The following TBC1D14 variants were observed in gnomAD, a reference collection of about 807,000 sequenced individuals.
TBC1D14 encodes the protein TBC1 domain family, member 14.
TBC1D14 carries 26 observed loss-of-function variants against 79.0 expected under a neutral mutation model. That is an observed-to-expected ratio of 0.33 (90% confidence interval 0.24 to 0.46). The LOEUF is 0.46. TBC1D14 is among the 20% of genes least tolerant of loss of function. The probability of loss-of-function intolerance (pLI) is 1.00; values close to 1 mark genes in which losing one functional copy is unlikely to be tolerated. For missense variants in TBC1D14, 769 were observed against 887.6 expected, an observed-to-expected ratio of 0.87 and a Z score of 1.70; for synonymous variants, 394 against 349.9, an observed-to-expected ratio of 1.13 and a Z score of -1.40.
Position 7,032,213 on chromosome 4 carries a change from T to A in TBC1D14, c.*1821T>A, listed in dbSNP as rs1001675601. On this transcript the variant is annotated 3_prime_UTR_variant, in exon 14 of 14. Transcript: ENST00000409757. ...CATTTCCTGACATCAAGATGTTGAA[T>A]GTAATCTGGTCTGAGCTGGGCCTGT... is the stretch of plus-strand genomic sequence containing the variant. The A allele has an allele frequency of 6.6e-6, 1 of 152,668 alleles. No individual in the cohort carries two copies. The highest frequency in any genetic ancestry group is 1.5e-5 in the Non-Finnish European group (1 of 68,056). 9.5% of individuals were successfully genotyped at this position (152,668 alleles called of 1,614,324 possible).
intron 12 of TBC1D14, among the ~76,000 whole-genome samples, chr4:7,023,843 G>A (rs146630363): frequency 0.012 from 1,812 of 152,378 alleles, 16 homozygotes; most frequent in Middle Eastern, 0.037. Flanking sequence ...ACAGCGCCCG[G>A]TGTGCGCCCA....
chr4:6,939,497 T>TTGCCA (rs1280926647), intron 2 of TBC1D14, among the ~76,000 whole-genome samples: 1 of 152,176 alleles, frequency 6.6e-6, no homozygotes, highest in Non-Finnish European at 1.5e-5. Context: ...CAGCAAGTGC[T>TTGCCA]TGCCAGATGG....
chr4:7,001,727 C>T (rs1719696780), intron 7 of TBC1D14, among the ~76,000 whole-genome samples: 1 of 152,128 alleles, frequency 6.6e-6, no homozygotes, highest in African/African-American at 2.4e-5. Flanking sequence ...GGGTGAGAAC[C>T]ATGCTCACCG....
At chr4:7,020,413 GTCTAA>G (rs1721713368) in intron 12 of TBC1D14, among the ~76,000 whole-genome samples, 1 of 152,208 alleles carries the variant, frequency 6.6e-6, no homozygotes, top group Non-Finnish European at 1.5e-5. Flanking sequence ...ACCTAGCACT[GTCTAA>G]TCTAACTGTT....
At chr4:6,933,425 C>T (rs556349000) in intron 2 of TBC1D14, among the ~76,000 whole-genome samples, 98 of 151,334 alleles carry the variant, frequency 6.5e-4, no homozygotes, top group African/African-American at 2.4e-3. Flanking sequence ...GCACCTCAGC[C>T]TCTGGAACAA....
chr4:6,927,727 A>C (rs1331731589), intron 2 of TBC1D14, among the ~76,000 whole-genome samples: 2 of 152,190 alleles, frequency 1.3e-5, no homozygotes, highest in Non-Finnish European at 2.9e-5. Context: ...GGATGCCAGC[A>C]GCACTCCCCA....
At chr4:7,007,753 G>A (rs573540454) in intron 9 of TBC1D14, 10 of 442,040 alleles carry the variant, frequency 2.3e-5, no homozygotes, top group South Asian at 1.3e-4. Context: ...GCCCCAGTTC[G>A]TCTCCATAGG....
chr4:6,978,817 G>A (rs971898865), intron 3 of TBC1D14, among the ~76,000 whole-genome samples: 4 of 151,760 alleles, frequency 2.6e-5, no homozygotes, highest in South Asian at 2.1e-4. Context: ...ATGAAATGAC[G>A]TGTGCATGGG....
chr4:6,968,746 C>G (rs1039076858), intron 3 of TBC1D14, among the ~76,000 whole-genome samples: 1 of 132,890 alleles, frequency 7.5e-6, no homozygotes, highest in Admixed American at 7.6e-5. Flanking sequence ...GCGCTGCACC[C>G]GGTAGCCTGC....
chr4:6,934,261 A>G (rs769797244), intron 2 of TBC1D14, among the ~76,000 whole-genome samples: 2 of 152,008 alleles, frequency 1.3e-5, no homozygotes, highest in Non-Finnish European at 2.9e-5. Context: ...AGGAGGAAGC[A>G]GCAAAAGCGA....
rs1723127111 is a variant in TBC1D14 at position 7,032,245 on chromosome 4, G to A, written c.*1853G>A. 6.5e-6 allele frequency: 1 copy of A among 152,690 alleles called. No individual in the cohort carries two copies. Among genetic ancestry groups the A allele is most frequent in the Non-Finnish European group, 1.5e-5 (1 of 68,078 alleles). 9.5% of individuals were successfully genotyped at this position (152,690 alleles called of 1,614,324 possible). A position where few individuals can be genotyped will look rare whatever the true frequency, so the allele number is the denominator to read the frequency against. On this transcript the variant is annotated 3_prime_UTR_variant, in exon 14 of 14. Transcript: ENST00000409757. ...TGGTCTGAGCTGGGCCTGTGGGAGG[G>A]GCCGCCTGAGGCCTGTGCGCTGTTG...
At chr4:6,935,509 C>A (rs781177783) in intron 2 of TBC1D14, among the ~76,000 whole-genome samples, 1 of 152,038 alleles carries the variant, frequency 6.6e-6, no homozygotes. Context: ...CAGGCACTCT[C>A]GTGCGTGCTC....
intron 2 of TBC1D14, among the ~76,000 whole-genome samples, chr4:6,963,491 A>G (rs901597360): frequency 2.6e-5 from 4 of 152,174 alleles, no homozygotes; most frequent in African/African-American, 9.7e-5. Context: ...GTGTTCTCTC[A>G]CTGCACGTGA....
intron 3 of TBC1D14, among the ~76,000 whole-genome samples, chr4:6,972,603 T>G (rs1716321444): frequency 1.3e-5 from 2 of 152,176 alleles, no homozygotes; most frequent in African/African-American, 4.8e-5. Flanking sequence ...CCTTAGTTTT[T>G]TGTTGTTCTG....
At chr4:6,953,033 T>C (rs1021363961) in intron 2 of TBC1D14, among the ~76,000 whole-genome samples, 2 of 142,188 alleles carry the variant, frequency 1.4e-5, no homozygotes, top group African/African-American at 5.2e-5. Context: ...CTTTTTTTTT[T>C]TTTTTTTTCT....
At chr4:6,987,017 G>A in intron 3 of TBC1D14, 1 of 392,274 alleles carries the variant, frequency 2.5e-6, no homozygotes, top group Non-Finnish European at 4.1e-6. Flanking sequence ...CTGGCTCTCC[G>A]CCTGTCGGCG....
chr4:6,936,411 A>C (rs1238195293), intron 2 of TBC1D14, among the ~76,000 whole-genome samples: 1 of 152,206 alleles, frequency 6.6e-6, no homozygotes, highest in African/African-American at 2.4e-5. Flanking sequence ...TCATTTTCAG[A>C]CTGGCTTCTT....
chr4:6,936,147 G>A (rs1172197014), intron 2 of TBC1D14, among the ~76,000 whole-genome samples: 1 of 152,156 alleles, frequency 6.6e-6, no homozygotes, highest in Admixed American at 6.6e-5. Flanking sequence ...GTGCACACTG[G>A]CTGACACATC....
Position 6,983,547 on chromosome 4 carries a change from A to G in TBC1D14, c.844-10637A>G, listed in dbSNP as rs533626094. Among the ~76,000 whole-genome samples, 33 of 152,274 alleles carry G rather than the reference A, an allele frequency of 2.2e-4. No homozygotes were observed. The South Asian group carries it at 6.8e-3, about 32-fold the overall frequency. On this transcript the variant is annotated intron_variant, in intron 3 of 13. Coordinates refer to ENST00000409757, the MANE Select transcript of TBC1D14 (RefSeq NM_020773.3). ...TCAAGGTGGTAGAGGTCATGTTTGT[A>G]TGGGACTGGGATCGTTTGGTGGAGA...
Sources: gnomAD v4.1 joint callset for allele counts (sites outside exome capture counted in the v4.1 genomes callset) on GRCh38, gnomAD v4.1.1 for gene constraint, MANE v1.5 for transcripts, NCBI Gene and HGNC (gene_info 2026-07-23, HGNC 2026-07-21) for gene names.